The following USP54 variants were observed in gnomAD, a reference collection of about 807,000 sequenced individuals.
The protein encoded by USP54 is ubiquitin carboxyl-terminal hydrolase 54.
Under a neutral mutation model 170.5 loss-of-function variants are expected in USP54, and 87 were observed. The observed-to-expected ratio is 0.51, with a 90% CI of 0.43 to 0.61. USP54 has a LOEUF of 0.61. USP54 is among the 20% of genes least tolerant of loss of function. The pLI, the probability that USP54 is intolerant of heterozygous loss-of-function variation, is 0.00. For missense variants in USP54, 1,786 were observed against 2,047.8 expected, an observed-to-expected ratio of 0.87 and a Z score of 2.47; for synonymous variants, 655 against 742.8, an observed-to-expected ratio of 0.88 and a Z score of 1.92.
At chr10:73,560,204 T>A (rs2072501709) in intron 4 of USP54, among the ~76,000 whole-genome samples, 1 of 152,208 alleles carries the variant, frequency 6.6e-6, no homozygotes. Flanking sequence ...CAAGATAACA[T>A]GTAACTTAAC....
intron 20 of USP54, among the ~76,000 whole-genome samples, chr10:73,510,163 C>T (rs374658919): frequency 2.5e-3 from 383 of 151,706 alleles, no homozygotes; most frequent in African/African-American, 8.5e-3. Context: ...GGTGAAACCC[C>T]GTCTCTACTA....
chr10:73,591,413 G>C (rs901652458), upstream of USP54: 1 of 152,206 alleles, frequency 6.6e-6, no homozygotes, highest in Admixed American at 6.5e-5. Flanking sequence ...GGAGACGACT[G>C]TAGCTAGCAA....
chr10:73,523,928 A>G (rs2062398084), intron 16 of USP54, among the ~76,000 whole-genome samples, 178 bp from the exon 17 acceptor site: 1 of 147,472 alleles, frequency 6.8e-6, no homozygotes, highest in Non-Finnish European at 1.5e-5. Context: ...TATTATTTTG[A>G]GACGGAGTCT....
chr10:73,534,796 C>T (rs1392608189), intron 11 of USP54, 26 bp from the exon 12 acceptor site: 1 of 1,602,554 alleles, frequency 6.2e-7, no homozygotes, highest in Admixed American at 1.7e-5. Context: ...AACACATATG[C>T]AAAAAGTGAG....
chr10:73,596,720 CAAAAAAA>C (rs36049099), intron 1 of USP54, among the ~76,000 whole-genome samples: 2 of 91,866 alleles, frequency 2.2e-5, no homozygotes, highest in South Asian at 8.4e-4. Flanking sequence ...GATCCTGTCT[CAAAAAAA>C]AAAAAAAAAA....
chr10:73,613,053 A>G (rs951936508), intron 1 of USP54, among the ~76,000 whole-genome samples: 3 of 149,328 alleles, frequency 2.0e-5, no homozygotes, highest in African/African-American at 7.4e-5. Context: ...GCTACTCAGG[A>G]GGCTGAGGTG....
At chr10:73,582,550 C>T (rs1407868595) in intron 1 of USP54, among the ~76,000 whole-genome samples, 2 of 152,122 alleles carry the variant, frequency 1.3e-5, no homozygotes, top group East Asian at 3.9e-4. Flanking sequence ...CGCCACCATG[C>T]CTGGCTATTT....
intron 16 of USP54, among the ~76,000 whole-genome samples, chr10:73,526,079 G>T (rs12572177): frequency 0.15 from 22,938 of 152,138 alleles, 2,809 homozygotes; most frequent in African/African-American, 0.32. Context: ...GGGGATGTTA[G>T]TAACACTGTT....
In USP54 at chr10:73,509,155, A is replaced by G. The variant is rs1036225834; in HGVS notation, c.4052-3729T>C. On this transcript the variant is annotated intron_variant, in intron 20 of 23. Transcript: ENST00000687698. ...TTAAGAGCCTTATCATCAAAATGCAATATGTGTGTCTTGTTTGAATCCTGA... is the reference window on the plus strand; with the variant it reads ...TTAAGAGCCTTATCATCAAAATGCAGTATGTGTGTCTTGTTTGAATCCTGA... 3.3e-5 allele frequency among the ~76,000 whole-genome samples: 5 copies of G among 151,212 alleles called. No homozygotes were observed. In the East Asian group the frequency reaches 7.7e-4, roughly 23 times the overall value.
intron 20 of USP54, among the ~76,000 whole-genome samples, chr10:73,507,775 C>T (rs1404056553): frequency 6.7e-6 from 1 of 150,242 alleles, no homozygotes; most frequent in African/African-American, 2.5e-5. Context: ...ATCACTTGAG[C>T]CTAGGAATTC....
chr10:73,534,826 G>A (rs1448964855), intron 11 of USP54, 56 bp from the exon 12 acceptor site: 12 of 1,544,202 alleles, frequency 7.8e-6, no homozygotes, highest in Non-Finnish European at 1.1e-5. Flanking sequence ...CAGTAGCAAA[G>A]AGAAGGAAAA....
intron 12 of USP54, among the ~76,000 whole-genome samples, chr10:73,534,258 G>A (rs1386555106): frequency 2.0e-5 from 3 of 151,530 alleles, no homozygotes; most frequent in Non-Finnish European, 4.4e-5. Flanking sequence ...CCAGGCTGGA[G>A]TGCAGTGGCA....
At chr10:73,584,313 G>A (rs2077228432) in intron 1 of USP54, among the ~76,000 whole-genome samples, 2 of 152,080 alleles carry the variant, frequency 1.3e-5, no homozygotes, top group Non-Finnish European at 2.9e-5. Flanking sequence ...GCTTGAACCA[G>A]GGAGTCGGAG....
Position 73,516,922 on chromosome 10 carries a change from A to T in USP54, c.3504T>A (p.Ser1168=), listed in dbSNP as rs2061170302. ...SLRKNSSPSD[S]KPPFSQGQEK... ...CTTGACCCTGTGAGAAAGGAGGCTTAGAATCAGAAGGGGAAGAGTTCTTCC... is the reference window on the plus strand; with the variant it reads ...CTTGACCCTGTGAGAAAGGAGGCTTTGAATCAGAAGGGGAAGAGTTCTTCC... The change falls in exon 20 of 24, where the codon TCT becomes TCA. Residue 1168 remains serine, a synonymous_variant. Coordinates refer to ENST00000687698, the MANE Select transcript of USP54 (RefSeq NM_001391956.1). 6.2e-7 allele frequency: 1 copy of T among 1,614,126 alleles called. No homozygotes were observed.
chr10:73,549,602 A>T (rs1445758172), intron 4 of USP54, among the ~76,000 whole-genome samples: 1 of 152,028 alleles, frequency 6.6e-6, no homozygotes, highest in African/African-American at 2.4e-5. Context: ...CAAATCCCCT[A>T]TTTCCACTCT....
Position 73,498,600 on chromosome 10 carries a change from G to A in USP54, c.*29C>T, listed in dbSNP as rs750356416. The stretch of plus-strand genomic sequence containing the variant: ...ACAGTACAGTTTTACAAAGAAAGGT[G>A]TAGCTCCAGGAAAGGAAAGGAATAA... On this transcript the variant is annotated 3_prime_UTR_variant, in exon 24 of 24. Coordinates refer to ENST00000687698, the MANE Select transcript of USP54 (RefSeq NM_001391956.1). The A allele has an allele frequency of 1.3e-6, 2 of 1,510,562 alleles. No homozygotes were observed. Among genetic ancestry groups the A allele is most frequent in the South Asian group, 1.3e-5 (1 of 74,130 alleles). The allele number at this position is 1,510,562 out of a possible 1,614,324, so 93.6% of individuals were successfully genotyped here. A position where few individuals can be genotyped will look rare whatever the true frequency, so the allele number is the denominator to read the frequency against.
chr10:73,562,573 A>C (rs984223263), intron 4 of USP54, among the ~76,000 whole-genome samples: 4 of 152,160 alleles, frequency 2.6e-5, no homozygotes, highest in African/African-American at 9.7e-5. Flanking sequence ...TGCTTTTTTC[A>C]ATCAATGTGA....
intron 1 of USP54, among the ~76,000 whole-genome samples, chr10:73,582,587 C>T (rs1378330185): frequency 2.6e-5 from 4 of 152,124 alleles, no homozygotes; most frequent in Admixed American, 1.3e-4. Context: ...GACAGAGTTT[C>T]GCCATGTTGG....
upstream of USP54, among the ~76,000 whole-genome samples, chr10:73,592,104 C>T (rs2078304335): frequency 6.6e-6 from 1 of 151,970 alleles, no homozygotes; most frequent in Non-Finnish European, 1.5e-5. Flanking sequence ...GGCAGAGTCC[C>T]ACCCCCAAAC....
Sources: gnomAD v4.1 joint callset for allele counts (sites outside exome capture counted in the v4.1 genomes callset) on GRCh38, gnomAD v4.1.1 for gene constraint, MANE v1.5 for transcripts, NCBI Gene and HGNC (gene_info 2026-07-23, HGNC 2026-07-21) for gene names.